The following ACACA variants were observed in gnomAD, a reference collection of about 807,000 sequenced individuals.
ACACA encodes acetyl-CoA carboxylase alpha.
Under a neutral mutation model 296.1 loss-of-function variants are expected in ACACA, and 103 were observed. That is an observed-to-expected ratio of 0.35 (90% CI 0.30 to 0.41). The LOEUF is 0.41. ACACA is among the 10% of genes least tolerant of loss of function. The pLI is 1.00. For synonymous variants in ACACA, 953 were observed against 1,038.6 expected (o/e 0.92, Z 1.58); for missense variants, 1,554 against 2,989.7 (o/e 0.52, Z 11.20).
chr17:37,260,282 ATATATATATATATAT>A (rs1393666655), intron 11 of ACACA, among the ~76,000 whole-genome samples: 7 of 35,606 alleles, frequency 2.0e-4, no homozygotes, highest in Non-Finnish European at 2.8e-4. Context: ...ATATATATAT[ATATATATATATATAT>A]TTTTTTTTTT....
chr17:37,192,065 C>T (rs1416540502), intron 37 of ACACA, 25 bp downstream of exon 37: 2 of 1,604,626 alleles, frequency 1.2e-6, no homozygotes, highest in African/African-American at 2.7e-5. Flanking sequence ...TCAGGGATAA[C>T]ATCCCATTAA....
At chr17:37,103,738 C>G (rs2142885407) in intron 52 of ACACA, among the ~76,000 whole-genome samples, 1 of 152,204 alleles carries the variant, frequency 6.6e-6, no homozygotes, top group Middle Eastern at 3.4e-3. Flanking sequence ...CACACACACA[C>G]ACACACACAC....
intron 25 of ACACA, among the ~76,000 whole-genome samples, chr17:37,230,213 C>T (rs1021241878): frequency 1.5e-4 from 22 of 151,600 alleles, no homozygotes; most frequent in Non-Finnish European, 2.4e-4. Flanking sequence ...GGAGAAACCC[C>T]GTCTCTACTA....
At chr17:37,231,960 GTGT>G (rs1000583467) in intron 25 of ACACA, among the ~76,000 whole-genome samples, 5 of 152,198 alleles carry the variant, frequency 3.3e-5, no homozygotes, top group Non-Finnish European at 5.9e-5. Context: ...TCCAGACTTT[GTGT>G]TAAATTGTGT....
intron 2 of ACACA, among the ~76,000 whole-genome samples, chr17:37,337,005 T>G (rs1041081430): frequency 6.6e-6 from 1 of 152,180 alleles, no homozygotes; most frequent in Admixed American, 6.5e-5. Flanking sequence ...GTGTGGTCCC[T>G]GGACCATTGG....
chr17:37,210,567 G>C (rs768424384), intron 29 of ACACA, 77 bp from the exon 30 acceptor site: 206 of 1,398,726 alleles, frequency 1.5e-4, no homozygotes, highest in Non-Finnish European at 2.0e-4. Context: ...AGCAGATATA[G>C]ACCAGTCATG....
intron 45 of ACACA, among the ~76,000 whole-genome samples, chr17:37,130,454 G>A (rs1009103768): frequency 1.3e-5 from 2 of 152,118 alleles, no homozygotes; most frequent in Admixed American, 6.5e-5. Context: ...ATAGCATTAG[G>A]AGATATACCT....
intron 11 of ACACA, 59 bp from the exon 12 acceptor site, chr17:37,259,589 T>C: frequency 6.3e-7 from 1 of 1,587,830 alleles, no homozygotes. Context: ...GCTAGACCAC[T>C]ACAGCCTCTC....
rs1567811983 is a variant in ACACA at position 37,205,887 on chromosome 17, C to T, written c.3949-15G>A. 1 of 1,590,130 alleles carries T rather than the reference C, an allele frequency of 6.3e-7. No individual in the cohort carries two copies. The highest frequency in any genetic ancestry group is 1.3e-5 in the African/African-American group (1 of 74,516). On this transcript the variant is annotated splice_polypyrimidine_tract_variant and intron_variant, in intron 32 of 55. Transcript: ENST00000616317. ...TCCCTGGGAACCTGTAACTCAAGAA[C>T]ACAAGTCAAAGAAATTATGAGGCTG...
intron 41 of ACACA, among the ~76,000 whole-genome samples, chr17:37,170,902 T>G (rs139591726): frequency 1.3e-5 from 2 of 152,204 alleles, no homozygotes; most frequent in African/African-American, 4.8e-5. Flanking sequence ...ACAAAGAAAT[T>G]TGCAGGAAAA....
At chr17:37,254,867 G>C (rs1167456471) in intron 14 of ACACA, among the ~76,000 whole-genome samples, 1 of 112,136 alleles carries the variant, frequency 8.9e-6, no homozygotes, top group South Asian at 2.7e-4. Flanking sequence ...CTCCATGTCA[G>C]AAAAAAAAAA....
Position 37,181,360 on chromosome 17 carries a change from C to T in ACACA, c.4777-4G>A. On this transcript the variant is annotated splice_region_variant and splice_polypyrimidine_tract_variant and intron_variant, in intron 39 of 55. Transcript: ENST00000616317. ...CTCCATATGCCTGAAACATGATCTG[C>T]AGGAAAAAAAAATGGCATGGGGAGT... The T allele has an allele frequency of 6.2e-7, 1 of 1,610,868 alleles. No homozygotes were observed. The highest frequency in any genetic ancestry group is 1.3e-5 in the African/African-American group (1 of 74,132).
intron 1 of ACACA, among the ~76,000 whole-genome samples, chr17:37,348,016 T>C (rs1458778817): frequency 8.6e-5 from 13 of 151,606 alleles, no homozygotes; most frequent in Admixed American, 8.6e-4. Flanking sequence ...ATACTAAAAA[T>C]GCAAAAATTA....
chr17:37,394,868 G>A (rs577093832), intron 1 of ACACA, among the ~76,000 whole-genome samples: 38 of 151,042 alleles, frequency 2.5e-4, no homozygotes, highest in African/African-American at 8.0e-4. Flanking sequence ...CAGCCTGGGC[G>A]ACACAGCGAG....
chr17:37,178,224 T>C (rs1240702419), intron 41 of ACACA, among the ~76,000 whole-genome samples: 1 of 152,176 alleles, frequency 6.6e-6, no homozygotes, highest in Non-Finnish European at 1.5e-5. Flanking sequence ...TATAAGAGTA[T>C]AGGGCAAAAT....
chr17:37,286,945 C>T (rs1297525993), intron 3 of ACACA, among the ~76,000 whole-genome samples: 1 of 152,148 alleles, frequency 6.6e-6, no homozygotes, highest in Non-Finnish European at 1.5e-5. Flanking sequence ...CTCAGCATGC[C>T]TTTTTTGTTG....
rs942248418 is a variant in ACACA, at chr17:37,240,662, A to G, written c.3033-98T>C. On this transcript the variant is annotated intron_variant, in intron 23 of 55. Transcript: ENST00000616317. ...ATTTACCTCCACGACATTCCACTGA[A>G]CTGCTTTCCCTCTGAATAAAGAACA... is the stretch of plus-strand genomic sequence containing the variant. The G allele has an allele frequency of 5.6e-6, 5 of 886,762 alleles. No individual in the cohort carries two copies. In the Admixed American group the frequency reaches 8.0e-5, roughly 14 times the overall value. The allele number at this position is 886,762 out of a possible 1,614,324, so 54.9% of individuals were successfully genotyped here.
At position 37,097,716 on chromosome 17, in the gene ACACA, G is replaced by T. The variant is rs17848788; in HGVS notation, c.6720+114C>A. The T allele has an allele frequency of 1.1e-4, 139 of 1,244,672 alleles. No homozygotes were observed. In the East Asian group the frequency reaches 3.0e-3, roughly 27 times the overall value. The allele number at this position is 1,244,672 out of a possible 1,614,324, so 77.1% of individuals were successfully genotyped here. A position where few individuals can be genotyped will look rare whatever the true frequency, so the allele number is the denominator to read the frequency against. ...AATATTGAAAATGTTTTGATCTGCA[G>T]AAGTTGTTTTAATTTGGCCCTCATA... On this transcript the variant is annotated intron_variant, in intron 53 of 55. Transcript: ENST00000616317. This position sits in a 1 kb window ranked among gnomAD's most constrained non-coding sequence, Gnocchi z 4.8.
intron 48 of ACACA, among the ~76,000 whole-genome samples, chr17:37,124,495 A>T (rs1428518773): frequency 1.3e-5 from 2 of 152,206 alleles, no homozygotes; most frequent in South Asian, 2.1e-4. Flanking sequence ...AGATGAGACA[A>T]ATCTCAAAAA....
Sources: gnomAD v4.1 joint callset for allele counts (sites outside exome capture counted in the v4.1 genomes callset) on GRCh38, gnomAD v4.1.1 for gene constraint, Gnocchi (gnomAD v3.1) non-coding constraint, MANE v1.5 for transcripts, NCBI Gene and HGNC (gene_info 2026-07-23, HGNC 2026-07-21) for gene names.